Variants in CPNE4 observed in about 807,000 individuals in gnomAD.
CPNE4 encodes copine 4.
Under a neutral mutation model 67.9 loss-of-function variants are expected in CPNE4, and 25 were observed. The observed-to-expected ratio is 0.37, with a 90% confidence interval of 0.27 to 0.51. The LOEUF is 0.51. Among genes scored for constraint, CPNE4 ranks in the 20% least tolerant of loss-of-function variants. The probability of loss-of-function intolerance (pLI) is 0.93; values close to 1 mark genes in which losing one functional copy is unlikely to be tolerated. For synonymous variants in CPNE4, 242 were observed against 244.9 expected, an observed-to-expected ratio of 0.99 and a Z score of 0.11; for missense variants, 464 against 690.8, an observed-to-expected ratio of 0.67 and a Z score of 3.68.
intron 2 of CPNE4, among the ~76,000 whole-genome samples, chr3:131,855,010 C>T (rs907402801): frequency 2.0e-5 from 3 of 152,048 alleles, no homozygotes; most frequent in African/African-American, 4.8e-5. Context: ...AACCAAGATA[C>T]GGTATTTCTG....
chr3:131,777,876 C>T (rs1367303039), intron 2 of CPNE4, among the ~76,000 whole-genome samples: 2 of 151,982 alleles, frequency 1.3e-5, no homozygotes, highest in African/African-American at 4.8e-5. Flanking sequence ...GTGAAATACT[C>T]CCCTTTATTG....
intron 7 of CPNE4, among the ~76,000 whole-genome samples, chr3:131,621,112 T>G (rs115728533): frequency 0.021 from 3,166 of 152,302 alleles, 119 homozygotes; most frequent in African/African-American, 0.072. Context: ...TGTTTTGACC[T>G]TGACTTAGCA....
intron 2 of CPNE4, among the ~76,000 whole-genome samples, chr3:131,775,377 T>TAC (rs529083893): frequency 4.6e-5 from 7 of 152,116 alleles, no homozygotes; most frequent in Admixed American, 2.6e-4. Context: ...TTTTAGTTGG[T>TAC]ACACAATAAA....
At chr3:131,809,101 T>G (rs972340543) in intron 2 of CPNE4, among the ~76,000 whole-genome samples, 4 of 152,156 alleles carry the variant, frequency 2.6e-5, no homozygotes, top group African/African-American at 4.8e-5. Context: ...AAGTTGCAGG[T>G]GGAAATTAGG....
chr3:132,037,713 G>T, upstream of CPNE4: 1 of 977,312 alleles, frequency 1.0e-6, no homozygotes. Context: ...CCGGGTTTCT[G>T]TTTGATAAGA....
intron 1 of CPNE4, among the ~76,000 whole-genome samples, chr3:131,945,257 C>G (rs2071518152): frequency 6.6e-6 from 1 of 152,152 alleles, no homozygotes; most frequent in Admixed American, 6.5e-5. Flanking sequence ...CTCCATTTTG[C>G]AAATGCAGTT....
At chr3:131,545,259 T>TA (rs1336390741) in intron 14 of CPNE4, among the ~76,000 whole-genome samples, 4 of 152,296 alleles carry the variant, frequency 2.6e-5, no homozygotes, top group South Asian at 2.1e-4. Flanking sequence ...TTTCAACAAT[T>TA]AAAAAATCTA....
At position 131,618,816 on chromosome 3, in the gene CPNE4, G is replaced by C. The variant is rs1020178743; in HGVS notation, c.682-31234C>G. ...CATTCCCAAGGAGAGAGACAGCATT[G>C]GCCCATGACTACCGGCTGACTGAAC... On this transcript the variant is annotated intron_variant, in intron 7 of 15. Coordinates refer to ENST00000429747, the MANE Select transcript of CPNE4 (RefSeq NM_130808.3). Among the ~76,000 whole-genome samples the C allele has an allele frequency of 1.3e-5, 2 of 152,088 alleles. 1 individual carries two copies. The highest frequency in any genetic ancestry group is 6.3e-3 in the Middle Eastern group (2 of 316).
intron 1 of CPNE4, among the ~76,000 whole-genome samples, chr3:131,963,273 C>A (rs961572964): frequency 6.6e-6 from 1 of 152,162 alleles, no homozygotes; most frequent in African/African-American, 2.4e-5. Context: ...CACTTGCCTA[C>A]ACCACCAGGG....
intron 2 of CPNE4, among the ~76,000 whole-genome samples, chr3:131,902,839 C>T (rs935895278): frequency 6.6e-6 from 1 of 151,816 alleles, no homozygotes; most frequent in African/African-American, 2.4e-5. Flanking sequence ...AATAATGAGA[C>T]TAACAAAGTC....
chr3:131,584,406 C>CT (rs2107696356), intron 8 of CPNE4, among the ~76,000 whole-genome samples: 1 of 152,286 alleles, frequency 6.6e-6, no homozygotes, highest in Admixed American at 6.5e-5. Context: ...ATTTAATAAT[C>CT]TATCCTTGAG....
intron 1 of CPNE4, among the ~76,000 whole-genome samples, chr3:131,906,504 T>C (rs968236664): frequency 8.0e-5 from 12 of 150,606 alleles, no homozygotes; most frequent in Non-Finnish European, 1.6e-4. Flanking sequence ...CACGCGGTGT[T>C]TGGTTTTTTG....
At chr3:131,717,443 T>C (rs2081727879) in intron 3 of CPNE4, among the ~76,000 whole-genome samples, 1 of 152,172 alleles carries the variant, frequency 6.6e-6, no homozygotes, top group Admixed American at 6.5e-5. Flanking sequence ...CTATCACCTA[T>C]AGGGATTAAG....
chr3:131,607,777 G>T (rs1288548319), intron 7 of CPNE4, among the ~76,000 whole-genome samples: 1 of 152,150 alleles, frequency 6.6e-6, no homozygotes, highest in Non-Finnish European at 1.5e-5. Flanking sequence ...ACCCTGAGAT[G>T]ATAGAAGTTA....
At chr3:131,662,358 G>T (rs372329459) in intron 7 of CPNE4, among the ~76,000 whole-genome samples, 5 of 152,272 alleles carry the variant, frequency 3.3e-5, no homozygotes, top group African/African-American at 1.2e-4. Context: ...GATATGAATA[G>T]TTGGATGTAA....
intron 2 of CPNE4, among the ~76,000 whole-genome samples, chr3:131,780,435 C>T (rs908888367): frequency 2.0e-5 from 3 of 152,046 alleles, no homozygotes; most frequent in Non-Finnish European, 2.9e-5. Context: ...TCTATATGCC[C>T]ATCAGTGGTG....
At chr3:131,814,534 T>A (rs1029535775) in intron 2 of CPNE4, among the ~76,000 whole-genome samples, 1 of 150,224 alleles carries the variant, frequency 6.7e-6, no homozygotes, top group Non-Finnish European at 1.5e-5. Flanking sequence ...CTTTCTGTAT[T>A]GCTTATTTTT....
chr3:131,679,594 T>C (rs1043465404), intron 6 of CPNE4, among the ~76,000 whole-genome samples: 1 of 152,210 alleles, frequency 6.6e-6, no homozygotes, highest in African/African-American at 2.4e-5. Flanking sequence ...TTAATACTGC[T>C]TTAACTGTGT....
intron 1 of CPNE4, among the ~76,000 whole-genome samples, chr3:131,923,831 C>T (rs1176289645): frequency 1.3e-5 from 2 of 151,648 alleles, no homozygotes; most frequent in South Asian, 4.2e-4. Flanking sequence ...AGCCCCAGGC[C>T]CTAAGTAAAA....
Sources: gnomAD v4.1 joint callset for allele counts (sites outside exome capture counted in the v4.1 genomes callset) on GRCh38, gnomAD v4.1.1 for gene constraint, MANE v1.5 for transcripts, NCBI Gene and HGNC (gene_info 2026-07-23, HGNC 2026-07-21) for gene names.